Variants in ZNF652 observed in about 807,000 individuals in gnomAD.
ZNF652 encodes zinc finger protein 652.
ZNF652 carries 16 observed loss-of-function variants against 45.2 expected under a neutral mutation model. The ratio of observed to expected loss-of-function variants is 0.35; its 90% confidence interval spans 0.24 to 0.54. The LOEUF (loss-of-function observed/expected upper bound fraction) is 0.54. ZNF652 is among the 20% of genes least tolerant of loss of function. The pLI, the probability that ZNF652 is intolerant of heterozygous loss-of-function variation, is 0.91. For synonymous variants in ZNF652, 250 were observed against 260.6 expected (o/e 0.96, Z 0.39); for missense variants, 614 against 765.6 (o/e 0.80, Z 2.34).
chr17:49,312,031 C>A lies in ZNF652; in HGVS notation c.1060G>T (p.Asp354Tyr). 1 of 1,613,092 alleles carries A rather than the reference C, an allele frequency of 6.2e-7. No individual in the cohort carries two copies. The highest frequency in any genetic ancestry group is 8.5e-7 in the Non-Finnish European group (1 of 1,179,324). ...VRKHMVAHTKDMPFTCETCGK... is the reference protein window; with the variant it reads ...VRKHMVAHTKYMPFTCETCGK... ...CAGGTTTCGCATGTAAATGGCATGTCTTTTGTGTGTGCTGCAACACAGAAT... is the reference window on the plus strand; with the variant it reads ...CAGGTTTCGCATGTAAATGGCATGTATTTTGTGTGTGCTGCAACACAGAAT... The change falls in exon 4 of 6, where the codon GAC becomes TAC. Residue 354 changes from aspartate to tyrosine, a missense_variant. Coordinates refer to ENST00000430262, the MANE Select transcript of ZNF652 (RefSeq NM_001145365.3).
At chr17:49,306,020 C>T (rs774682669) in intron 5 of ZNF652, among the ~76,000 whole-genome samples, 1 of 152,156 alleles carries the variant, frequency 6.6e-6, no homozygotes, top group Non-Finnish European at 1.5e-5. Flanking sequence ...TCTCTAAAAC[C>T]AGCATTTCTC....
chr17:49,325,046 G>A (rs912076356), intron 1 of ZNF652, among the ~76,000 whole-genome samples: 6 of 152,090 alleles, frequency 3.9e-5, no homozygotes, highest in Non-Finnish European at 8.8e-5. Context: ...CGGCCCACTG[G>A]GGTAGCACTT....
At chr17:49,304,555 T>C (rs534995865) in intron 5 of ZNF652, among the ~76,000 whole-genome samples, 35 of 152,292 alleles carry the variant, frequency 2.3e-4, no homozygotes, top group Non-Finnish European at 4.6e-4. Context: ...TGTCCCACTT[T>C]AAGGAAGAGC....
chr17:49,288,839 G>C (rs2069366734), downstream of ZNF652, among the ~76,000 whole-genome samples: 1 of 152,192 alleles, frequency 6.6e-6, no homozygotes, highest in Non-Finnish European at 1.5e-5. Context: ...GTTTCCATCT[G>C]TGTTGATTTT....
rs1004609785 is a variant in ZNF652, at chr17:49,292,756, T to C, written c.*5657A>G. Among the ~76,000 whole-genome samples, 1 of 152,160 alleles carries C rather than the reference T, an allele frequency of 6.6e-6. No homozygotes were observed. Among genetic ancestry groups the C allele is most frequent in the African/African-American group, 2.4e-5 (1 of 41,410 alleles). ...AAGAGTCAAATAAGGATAAAATCTT[T>C]CAACAGAGAGACGAAATATGTGAAG... On this transcript the variant is annotated 3_prime_UTR_variant, in exon 6 of 6. Transcript: ENST00000430262.
At chr17:49,340,929 AG>A (rs1047915881) in intron 1 of ZNF652, among the ~76,000 whole-genome samples, 9 of 152,234 alleles carry the variant, frequency 5.9e-5, no homozygotes, top group Non-Finnish European at 1.2e-4. Context: ...TAGAAGAAAA[AG>A]TATGGCCAGG....
intron 5 of ZNF652, among the ~76,000 whole-genome samples, 176 bp from the exon 6 acceptor site, chr17:49,299,100 G>A (rs975608981): frequency 6.6e-6 from 1 of 151,944 alleles, no homozygotes; most frequent in South Asian, 2.1e-4. Flanking sequence ...ACAGGTGTGA[G>A]CCACTGCGCC....
intron 1 of ZNF652, among the ~76,000 whole-genome samples, chr17:49,339,300 TC>T (rs1183596460): frequency 7.8e-6 from 1 of 127,686 alleles, no homozygotes; most frequent in African/African-American, 3.2e-5. Context: ...CCTCCCAGGT[TC>T]AAGTGATTCT....
intron 1 of ZNF652, among the ~76,000 whole-genome samples, chr17:49,357,494 A>T (rs941725015): frequency 3.3e-5 from 5 of 152,168 alleles, no homozygotes; most frequent in African/African-American, 1.2e-4. Context: ...TAGCCCCAAT[A>T]GCAGTTTATA....
At chr17:49,353,977 G>A (rs958287591) in intron 1 of ZNF652, among the ~76,000 whole-genome samples, 3 of 152,126 alleles carry the variant, frequency 2.0e-5, no homozygotes, top group African/African-American at 7.2e-5. Flanking sequence ...TCCATAAGAG[G>A]TGATGAAAGG....
rs1182199037 is a variant in ZNF652 at position 49,333,545 on chromosome 17, T to TAAA, written c.-258-15565_-258-15563dup. On this transcript the variant is annotated intron_variant, in intron 1 of 5. Transcript: ENST00000430262. ...TAACATAGTGAAACCCTGTCTCTAC[T>TAAA]AAAAAAAAAAAAAAAAAAAAAAAAA... Among the ~76,000 whole-genome samples, 31 of 48,100 alleles carry TAAA rather than the reference T, an allele frequency of 6.4e-4. 2 individuals carry two copies. The highest frequency in any genetic ancestry group is 2.4e-3 in the African/African-American group (25 of 10,350). 31.6% of individuals were successfully genotyped at this position (48,100 alleles called of 152,430 possible). A position where few individuals can be genotyped will look rare whatever the true frequency, so the allele number is the denominator to read the frequency against.
chr17:49,310,666 C>T (rs865993232), intron 5 of ZNF652, among the ~76,000 whole-genome samples: 36 of 152,182 alleles, frequency 2.4e-4, no homozygotes, highest in African/African-American at 8.2e-4. Context: ...CTTTGGGAGA[C>T]TGAGGCAGGC....
In ZNF652 at chr17:49,317,145, C is replaced by T. The variant is rs1195665078; in HGVS notation, c.581G>A (p.Arg194Lys). The T allele has an allele frequency of 3.1e-6, 5 of 1,613,978 alleles. No homozygotes were observed. Among genetic ancestry groups the T allele is most frequent in the Non-Finnish European group, 4.2e-6 (5 of 1,180,020 alleles). The stretch of plus-strand genomic sequence containing the variant: ...GGTAGCTGCGGCAACAGAGGCAGCT[C>T]TCCTGGTTCTCCTTTGTGTAACGCT... ...KVSVTQRRTR[R>K]AASVAAATTS... The change falls in exon 2 of 6, where the codon AGA (arginine) becomes AAA (lysine). Residue 194 changes from arginine to lysine, a missense_variant. By Grantham distance (26) the Arg-to-Lys change is conservative. Around this residue, in one of 5 missense-constraint regions of ZNF652, gnomAD observed 262 missense variants for 306.3 expected, o/e 0.86. Transcript: ENST00000430262.
chr17:49,340,567 A>AAC (rs1433318479), intron 1 of ZNF652, among the ~76,000 whole-genome samples: 22 of 122,816 alleles, frequency 1.8e-4, no homozygotes, highest in Non-Finnish European at 2.2e-4. Flanking sequence ...AAAAAAAAAA[A>AAC]AAAAGAAAGA....
At chr17:49,301,332 C>T (rs910588910) in intron 5 of ZNF652, among the ~76,000 whole-genome samples, 3 of 151,998 alleles carry the variant, frequency 2.0e-5, no homozygotes, top group Non-Finnish European at 4.4e-5. Context: ...CTTGCTCTGT[C>T]GCCCAGGCTG....
chr17:49,338,608 TAC>T (rs2070110428), intron 1 of ZNF652, among the ~76,000 whole-genome samples: 2 of 152,350 alleles, frequency 1.3e-5, no homozygotes, highest in African/African-American at 2.4e-5. Context: ...TAATAATGCA[TAC>T]AGTCATGTTT....
At chr17:49,320,440 G>A (rs1286751475) in intron 1 of ZNF652, among the ~76,000 whole-genome samples, 2 of 152,168 alleles carry the variant, frequency 1.3e-5, no homozygotes, top group Admixed American at 6.6e-5. Flanking sequence ...AAGATCACAA[G>A]TCGCTCAAAC....
At chr17:49,327,626 C>T (rs529783676) in intron 1 of ZNF652, among the ~76,000 whole-genome samples, 4 of 149,694 alleles carry the variant, frequency 2.7e-5, no homozygotes, top group South Asian at 4.3e-4. Flanking sequence ...TGCCTGTAAT[C>T]TCAGCACTTT....
chr17:49,333,722 GAAAAAAAA>G (rs749640282), intron 1 of ZNF652, among the ~76,000 whole-genome samples: 1 of 56,572 alleles, frequency 1.8e-5, no homozygotes, highest in African/African-American at 6.4e-5. Context: ...TCTGTCTCAA[GAAAAAAAA>G]AAAAAAAAAA....
Sources: allele counts gnomAD v4.1 joint callset (sites outside exome capture counted in the v4.1 genomes callset), GRCh38; gene constraint gnomAD v4.1.1; regional missense constraint gnomAD v4.1.1; transcripts MANE v1.5; gene names NCBI Gene and HGNC (gene_info 2026-07-23, HGNC 2026-07-21).